Variants in SLC2A2 observed in about 807,000 individuals in gnomAD.
SLC2A2 encodes solute carrier family 2 member 2, also known as solute carrier family 2, facilitated glucose transporter member 2.
A neutral mutation model predicts 54.5 loss-of-function variants in SLC2A2; 36 were observed. The ratio of observed to expected loss-of-function variants is 0.66; its 90% CI spans 0.51 to 0.87. SLC2A2 has a LOEUF of 0.87. SLC2A2 is among the 40% of genes least tolerant of loss of function. SLC2A2 has a pLI of 0.00. For missense variants in SLC2A2, 543 were observed against 624.3 expected (o/e 0.87, Z 1.39); for synonymous variants, 223 against 219.1 (o/e 1.02, Z -0.16).
intron 3 of SLC2A2, among the ~76,000 whole-genome samples, chr3:171,011,807 T>C (rs1715894538): frequency 6.6e-6 from 1 of 152,086 alleles, no homozygotes; most frequent in African/African-American, 2.4e-5. Flanking sequence ...ACCTAGCTAA[T>C]AGTCTCTTTT....
chr3:171,017,933 A>G lies in SLC2A2; in HGVS notation c.108+598T>C, dbSNP rs778310660. On this transcript the variant is annotated intron_variant, in intron 2 of 10. Coordinates refer to ENST00000314251, the MANE Select transcript of SLC2A2 (RefSeq NM_000340.2). ...AACTTTGTTGAGCTTCTTGAATATT[A>G]TTCTAAAGTTTTACATTATTTTACT... Among the ~76,000 whole-genome samples, 3 of 152,220 alleles carry G rather than the reference A, an allele frequency of 2.0e-5. No homozygotes were observed. The South Asian group carries it at 6.2e-4, about 31-fold the overall frequency.
chr3:171,012,677 T>A (rs1415780128), intron 3 of SLC2A2, among the ~76,000 whole-genome samples: 1 of 152,138 alleles, frequency 6.6e-6, no homozygotes, highest in Non-Finnish European at 1.5e-5. Flanking sequence ...TAAATGACAC[T>A]GGTAATAATG....
intron 1 of SLC2A2, among the ~76,000 whole-genome samples, chr3:171,025,440 C>T (rs535465972): frequency 1.8e-4 from 27 of 151,952 alleles, no homozygotes; most frequent in African/African-American, 5.8e-4. Flanking sequence ...CATTTAATTA[C>T]TCCCTAACTC....
chr3:171,004,220 C>T (rs957221046), intron 7 of SLC2A2, among the ~76,000 whole-genome samples: 3 of 151,970 alleles, frequency 2.0e-5, no homozygotes, highest in African/African-American at 7.2e-5. Context: ...CTAGATTCCT[C>T]TTTAAGTCAG....
chr3:171,019,939 A>G (rs1194590482), intron 1 of SLC2A2, among the ~76,000 whole-genome samples: 1 of 152,202 alleles, frequency 6.6e-6, no homozygotes, highest in Non-Finnish European at 1.5e-5. Flanking sequence ...TTTTTCTTGT[A>G]TTCATATGAT....
At chr3:171,009,562 G>GCTA (rs1715776118) in intron 4 of SLC2A2, among the ~76,000 whole-genome samples, 1 of 151,762 alleles carries the variant, frequency 6.6e-6, no homozygotes, top group Admixed American at 6.6e-5. Flanking sequence ...TAATAACAAC[G>GCTA]GCTAGCATTT....
At chr3:171,016,852 CTTTTTTT>C (rs201071901) in intron 2 of SLC2A2, among the ~76,000 whole-genome samples, 7 of 114,332 alleles carry the variant, frequency 6.1e-5, no homozygotes, top group African/African-American at 1.1e-4. Flanking sequence ...TTAATTTTTT[CTTTTTTT>C]TTTTTTTTTT....
chr3:171,017,599 C>G (rs1716211310), intron 2 of SLC2A2, among the ~76,000 whole-genome samples: 1 of 152,194 alleles, frequency 6.6e-6, no homozygotes, highest in Non-Finnish European at 1.5e-5. Flanking sequence ...CCAGGTTCCT[C>G]TTCTCTGTCT....
Position 170,996,843 on chromosome 3 carries a change from TA to T in SLC2A2, c.*1059del, listed in dbSNP as rs139372968. ...CAGGAAAATTAAATAGGGATTTTGATAAAAGTCTGAAGCTGAACATTTATGA... is the reference window on the plus strand; with the variant it reads ...CAGGAAAATTAAATAGGGATTTTGATAAAGTCTGAAGCTGAACATTTATGA... On this transcript the variant is annotated 3_prime_UTR_variant, in exon 11 of 11. Transcript: ENST00000314251. 2,353 of 391,600 alleles carry T rather than the reference TA, an allele frequency of 6.0e-3. 51 individuals carry two copies. The highest frequency in any genetic ancestry group is 0.044 in the African/African-American group (2,134 of 48,486). The allele number at this position is 391,600 out of a possible 1,614,324, so 24.3% of individuals were successfully genotyped here.
intron 3 of SLC2A2, among the ~76,000 whole-genome samples, 200 bp from the exon 4 acceptor site, chr3:171,010,282 T>C (rs1322265220): frequency 1.3e-5 from 2 of 152,136 alleles, no homozygotes; most frequent in Admixed American, 6.6e-5. Flanking sequence ...GCAAGACTTA[T>C]GATGGGATAA....
rs2108234220 is a variant in SLC2A2 at position 170,999,088 on chromosome 3, T to G, written c.1147A>C (p.Met383Leu). ...ACCAGCAGCACAAGTCCCACTGACATGAAGATGGCACAAACAAACATCCCA... is the reference window on the plus strand; with the variant it reads ...ACCAGCAGCACAAGTCCCACTGACAGGAAGATGGCACAAACAAACATCCCA... ...MSGMFVCAIF[M>L]SVGLVLLNKF... The change falls in exon 9 of 11, where the codon ATG becomes CTG. Residue 383 changes from methionine to leucine, a missense_variant. Met to Leu is a conservative substitution (Grantham distance 15). Coordinates refer to ENST00000314251, the MANE Select transcript of SLC2A2 (RefSeq NM_000340.2). 1 of 1,612,792 alleles carries G rather than the reference T, an allele frequency of 6.2e-7. No homozygotes were observed. Among genetic ancestry groups the G allele is most frequent in the South Asian group, 1.1e-5 (1 of 91,056 alleles).
chr3:171,012,051 T>C (rs559207629), intron 3 of SLC2A2, among the ~76,000 whole-genome samples: 1 of 152,302 alleles, frequency 6.6e-6, no homozygotes, highest in South Asian at 2.1e-4. Flanking sequence ...TTTCTTAAAA[T>C]CTGACTCTAA....
chr3:171,014,813 T>C, intron 2 of SLC2A2, 82 bp from the exon 3 acceptor site: 1 of 1,061,278 alleles, frequency 9.4e-7, no homozygotes, highest in Non-Finnish European at 1.5e-6. Flanking sequence ...TTGTTACGTG[T>C]TTAAATAGTA....
chr3:171,018,394 G>C, intron 2 of SLC2A2, 137 bp downstream of exon 2: 2 of 747,514 alleles, frequency 2.7e-6, no homozygotes, highest in South Asian at 2.8e-5. Flanking sequence ...CTTTGGAACA[G>C]TGCACATCGT....
intron 8 of SLC2A2, among the ~76,000 whole-genome samples, chr3:170,999,625 G>A (rs1178663595): frequency 2.6e-5 from 4 of 151,962 alleles, no homozygotes; most frequent in South Asian, 2.1e-4. Context: ...TATTGACACC[G>A]GAAACAGTAC....
chr3:171,005,516 A>C (rs776074972), intron 6 of SLC2A2, 44 bp from the exon 7 acceptor site: 2 of 1,494,766 alleles, frequency 1.3e-6, no homozygotes, highest in Non-Finnish European at 1.9e-6. Context: ...AGGCCAAAAC[A>C]AAAAGAAATT....
At chr3:171,001,428 G>A (rs965160207) in intron 8 of SLC2A2, among the ~76,000 whole-genome samples, 5 of 151,866 alleles carry the variant, frequency 3.3e-5, no homozygotes, top group East Asian at 1.9e-4. Context: ...TTGGTGTTTC[G>A]TTATTATCTG....
At position 171,014,490 on chromosome 3, in the gene SLC2A2, C is replaced by T; in HGVS notation, c.350G>A (p.Trp117Ter). ...GGMTASFFGG[W>*]LGDTLGRIKA... ...CTACCTTCCAAGTGTGTCCCCAAGC[C>T]ACCCACCAAAGAATGATGCAGTCAT... The change falls in exon 3 of 11, where the codon TGG becomes TAG. Residue 117 changes from tryptophan (W) to a stop codon, truncating the protein, a stop_gained. Coordinates refer to ENST00000314251, the MANE Select transcript of SLC2A2 (RefSeq NM_000340.2). LOFTEE classifies it high-confidence loss of function. 2.5e-6 allele frequency: 4 copies of T among 1,614,144 alleles called. No individual in the cohort carries two copies. The highest frequency in any genetic ancestry group is 3.4e-6 in the Non-Finnish European group (4 of 1,180,004).
intron 7 of SLC2A2, among the ~76,000 whole-genome samples, chr3:171,003,100 A>T (rs1715415792): frequency 6.6e-6 from 1 of 152,022 alleles, no homozygotes; most frequent in Admixed American, 6.6e-5. Context: ...TTTATCACTT[A>T]TCCCAAGGAA....
Sources: allele counts gnomAD v4.1 joint callset (sites outside exome capture counted in the v4.1 genomes callset), GRCh38; gene constraint gnomAD v4.1.1; transcripts MANE v1.5; gene names NCBI Gene and HGNC (gene_info 2026-07-23, HGNC 2026-07-21).